Variants in ANKRD44 observed in about 807,000 individuals in gnomAD.
ANKRD44 encodes the protein serine/threonine-protein phosphatase 6 regulatory ankyrin repeat subunit B.
A neutral mutation model predicts 116.0 loss-of-function variants in ANKRD44; 35 were observed. The observed-to-expected ratio is 0.30, with a 90% CI of 0.23 to 0.40. ANKRD44 has a LOEUF of 0.40. Among genes scored for constraint, ANKRD44 ranks in the 10% least tolerant of loss-of-function variants. The pLI is 1.00. For missense variants in ANKRD44, 1,014 were observed against 1,242.6 expected, an observed-to-expected ratio of 0.82 and a Z score of 2.77; for synonymous variants, 435 against 461.8, an observed-to-expected ratio of 0.94 and a Z score of 0.74.
At chr2:197,251,748 T>G (rs2082322043) in intron 1 of ANKRD44, among the ~76,000 whole-genome samples, 9 of 152,252 alleles carry the variant, frequency 5.9e-5, no homozygotes. Context: ...GCAAACTGAA[T>G]GCAGACTGAA....
intron 26 of ANKRD44, among the ~76,000 whole-genome samples, chr2:196,994,228 G>A (rs1375478785): frequency 6.6e-6 from 1 of 152,080 alleles, no homozygotes; most frequent in Admixed American, 6.5e-5. Flanking sequence ...TGTCACCCAG[G>A]CTGGAGTGCA....
intron 16 of ANKRD44, among the ~76,000 whole-genome samples, chr2:197,054,501 C>A (rs1282751596): frequency 6.6e-6 from 1 of 152,108 alleles, no homozygotes; most frequent in Admixed American, 6.5e-5. Flanking sequence ...TATAGTTAAA[C>A]AAAAGACAAT....
chr2:197,098,339 G>C (rs777352899), intron 10 of ANKRD44, among the ~76,000 whole-genome samples: 38 of 152,176 alleles, frequency 2.5e-4, no homozygotes, highest in Non-Finnish European at 5.0e-4. Context: ...TTCATTTTAA[G>C]TCCAGAACAC....
At chr2:197,090,267 T>C (rs1388584658) in intron 10 of ANKRD44, among the ~76,000 whole-genome samples, 1 of 152,224 alleles carries the variant, frequency 6.6e-6, no homozygotes, top group African/African-American at 2.4e-5. Flanking sequence ...CATAGGAATG[T>C]ATATTTTTAA....
At chr2:197,081,931 T>C (rs2077807203) in intron 14 of ANKRD44, among the ~76,000 whole-genome samples, 1 of 152,212 alleles carries the variant, frequency 6.6e-6, no homozygotes, top group Non-Finnish European at 1.5e-5. Context: ...AACTGGAATA[T>C]GATTTCTTAA....
intron 8 of ANKRD44, among the ~76,000 whole-genome samples, chr2:197,112,350 G>A (rs1326945014): frequency 6.6e-6 from 1 of 152,154 alleles, no homozygotes; most frequent in African/African-American, 2.4e-5. Flanking sequence ...TAATAATTTA[G>A]GTAAGTATTT....
intron 9 of ANKRD44, among the ~76,000 whole-genome samples, chr2:197,108,450 C>A (rs990606338): frequency 1.3e-4 from 20 of 152,106 alleles, no homozygotes; most frequent in African/African-American, 4.6e-4. Flanking sequence ...AAGCAAGATG[C>A]CAGGACAACC....
chr2:197,009,578 AG>A (rs2125915139), intron 18 of ANKRD44, among the ~76,000 whole-genome samples: 1 of 152,144 alleles, frequency 6.6e-6, no homozygotes, highest in South Asian at 2.1e-4. Context: ...CATGTTGCCT[AG>A]GCTGGTCTTG....
At chr2:197,061,519 A>G (rs987288258) in intron 16 of ANKRD44, among the ~76,000 whole-genome samples, 4 of 152,220 alleles carry the variant, frequency 2.6e-5, no homozygotes, top group Admixed American at 1.3e-4. Flanking sequence ...AGAAGAAGAA[A>G]ATAGTGGGTG....
intron 1 of ANKRD44, among the ~76,000 whole-genome samples, chr2:197,300,694 A>G (rs570038370): frequency 2.9e-4 from 44 of 151,552 alleles, no homozygotes; most frequent in African/African-American, 1.1e-3. Flanking sequence ...GAGCTTGCCC[A>G]GATGTGACTC....
intron 2 of ANKRD44, among the ~76,000 whole-genome samples, chr2:197,179,338 C>A (rs2080447707): frequency 6.6e-6 from 1 of 152,190 alleles, no homozygotes; most frequent in Non-Finnish European, 1.5e-5. Flanking sequence ...CCCCACTCAA[C>A]TCCTACCACC....
chr2:196,997,753 A>G (rs2125890554), intron 25 of ANKRD44, among the ~76,000 whole-genome samples: 1 of 152,112 alleles, frequency 6.6e-6, no homozygotes, highest in East Asian at 1.9e-4. Flanking sequence ...CCGGCCTAAA[A>G]TTTATCTTTT....
chr2:197,003,066 G>A (rs1490554165), intron 21 of ANKRD44, among the ~76,000 whole-genome samples: 2 of 152,082 alleles, frequency 1.3e-5, no homozygotes, highest in Non-Finnish European at 2.9e-5. Flanking sequence ...CAGCATTTTG[G>A]GAGGTCGAGG....
intron 2 of ANKRD44, among the ~76,000 whole-genome samples, chr2:197,151,576 G>A (rs1181769569): frequency 1.3e-5 from 2 of 152,082 alleles, no homozygotes; most frequent in African/African-American, 4.8e-5. Context: ...AAAAGAAAGG[G>A]GAGGAGAAAG....
chr2:197,041,293 C>G (rs745688183), intron 16 of ANKRD44, among the ~76,000 whole-genome samples: 1 of 152,130 alleles, frequency 6.6e-6, no homozygotes, highest in South Asian at 2.1e-4. Context: ...CAAGGGTCTA[C>G]TTTATCCAAA....
chr2:197,147,221 A>G lies in ANKRD44; in HGVS notation c.112-116T>C. The G allele has an allele frequency of 1.0e-5, 8 of 767,060 alleles. 2 individuals are homozygous for G. The South Asian group carries it at 1.2e-4, about 12-fold the overall frequency. The allele number at this position is 767,060 out of a possible 1,614,324, so 47.5% of individuals were successfully genotyped here. A position where few individuals can be genotyped will look rare whatever the true frequency, so the allele number is the denominator to read the frequency against. On this transcript the variant is annotated intron_variant, in intron 2 of 27. Transcript: ENST00000282272. The stretch of plus-strand genomic sequence containing the variant: ...GGTTAATGCATGTGGAAGAGTGTGA[A>G]CACCAAACATTCGAGTAACTTCTGG...
intron 1 of ANKRD44, among the ~76,000 whole-genome samples, chr2:197,193,632 C>T (rs192422892): frequency 1.3e-4 from 20 of 152,238 alleles, no homozygotes; most frequent in Admixed American, 6.5e-4. Flanking sequence ...GTAATCCCAG[C>T]ACTTTGGGAG....
At chr2:197,037,372 AAT>A (rs1400453698) in intron 16 of ANKRD44, among the ~76,000 whole-genome samples, 1 of 152,252 alleles carries the variant, frequency 6.6e-6, no homozygotes, top group African/African-American at 2.4e-5. Flanking sequence ...TTATTAAAAC[AAT>A]AACACATTCT....
chr2:197,146,488 A>G (rs2079505605), intron 3 of ANKRD44, among the ~76,000 whole-genome samples: 1 of 152,148 alleles, frequency 6.6e-6, no homozygotes, highest in African/African-American at 2.4e-5. Context: ...TATATATGGC[A>G]TATATACAGT....
Sources: gnomAD v4.1 joint callset for allele counts (sites outside exome capture counted in the v4.1 genomes callset) on GRCh38, gnomAD v4.1.1 for gene constraint, MANE v1.5 for transcripts, NCBI Gene and HGNC (gene_info 2026-07-23, HGNC 2026-07-21) for gene names.